The following GPC5 variants were observed in gnomAD, a reference collection of about 807,000 sequenced individuals.
The protein encoded by GPC5 is glypican-5.
GPC5 carries 47 observed loss-of-function variants against 53.9 expected under a neutral mutation model. That is an observed-to-expected ratio of 0.87 (90% confidence interval 0.69 to 1.11). GPC5 has a LOEUF of 1.11. Among genes scored for constraint, GPC5 ranks in the 50% most tolerant of loss-of-function variants. The pLI is 0.00. For missense variants in GPC5, 748 were observed against 713.1 expected, an observed-to-expected ratio of 1.05 and a Z score of -0.56; for synonymous variants, 286 against 263.3, an observed-to-expected ratio of 1.09 and a Z score of -0.84.
chr13:92,693,975 G>T (rs929149690), intron 7 of GPC5, among the ~76,000 whole-genome samples: 4 of 152,176 alleles, frequency 2.6e-5, no homozygotes, highest in African/African-American at 7.2e-5. Flanking sequence ...GCAGACTCAG[G>T]ACTTGGTGCC....
At chr13:92,410,213 A>C (rs1387024721) in intron 7 of GPC5, among the ~76,000 whole-genome samples, 1 of 152,170 alleles carries the variant, frequency 6.6e-6, no homozygotes, top group Non-Finnish European at 1.5e-5. Flanking sequence ...GTTGACCTGA[A>C]TATACTAATT....
chr13:92,591,807 C>A (rs535536746), intron 7 of GPC5, among the ~76,000 whole-genome samples: 18 of 152,254 alleles, frequency 1.2e-4, no homozygotes, highest in Admixed American at 2.6e-4. Context: ...TCTATGAGAT[C>A]AACTTTTTCA....
At chr13:91,895,232 T>C (rs535609555) in intron 5 of GPC5, among the ~76,000 whole-genome samples, 123 of 152,266 alleles carry the variant, frequency 8.1e-4, no homozygotes, top group African/African-American at 2.7e-3. Flanking sequence ...ATCCCACTTC[T>C]GGACACCATT....
At chr13:91,635,452 G>A (rs2034262931) in intron 2 of GPC5, among the ~76,000 whole-genome samples, 1 of 151,900 alleles carries the variant, frequency 6.6e-6, no homozygotes, top group Admixed American at 6.6e-5. Context: ...GAATGTGCTG[G>A]TTCATTTTAT....
intron 7 of GPC5, among the ~76,000 whole-genome samples, chr13:92,510,520 G>A (rs1001718596): frequency 1.3e-5 from 2 of 152,130 alleles, no homozygotes; most frequent in African/African-American, 2.4e-5. Flanking sequence ...CTTTAGAACA[G>A]TATTATTCAT....
At chr13:91,760,110 T>C (rs2037378739) in intron 5 of GPC5, among the ~76,000 whole-genome samples, 1 of 152,092 alleles carries the variant, frequency 6.6e-6, no homozygotes, top group Non-Finnish European at 1.5e-5. Context: ...TTTTATGTTT[T>C]ATAATTCTCA....
intron 7 of GPC5, among the ~76,000 whole-genome samples, chr13:92,791,641 T>C (rs1290826911): frequency 6.6e-6 from 1 of 152,084 alleles, no homozygotes; most frequent in Admixed American, 6.6e-5. Context: ...AAAAAAATGT[T>C]AGTCTAATTT....
chr13:92,760,519 T>C (rs368800776), intron 7 of GPC5, among the ~76,000 whole-genome samples: 1 of 152,214 alleles, frequency 6.6e-6, no homozygotes, highest in South Asian at 2.1e-4. Flanking sequence ...TGTTGTAGTG[T>C]CTCCACCTTC....
chr13:92,378,028 A>G (rs1327523798), intron 7 of GPC5, among the ~76,000 whole-genome samples: 35 of 152,034 alleles, frequency 2.3e-4, no homozygotes, highest in Admixed American at 2.2e-3. Context: ...TCTCTTTACC[A>G]TATCTTTTTC....
intron 7 of GPC5, among the ~76,000 whole-genome samples, chr13:92,245,076 TA>T (rs2042640743): frequency 1.3e-5 from 2 of 151,904 alleles, no homozygotes; most frequent in Non-Finnish European, 2.9e-5. Flanking sequence ...TCCTTCTGGT[TA>T]AATGTTCTCA....
intron 7 of GPC5, among the ~76,000 whole-genome samples, chr13:92,650,094 G>A (rs1383282501): frequency 6.6e-6 from 1 of 152,050 alleles, no homozygotes; most frequent in Admixed American, 6.6e-5. Flanking sequence ...ATGTAGGTTA[G>A]TATCATAGAT....
chr13:91,480,560 G>C (rs1883245165), intron 2 of GPC5, among the ~76,000 whole-genome samples: 1 of 152,194 alleles, frequency 6.6e-6, no homozygotes, highest in Non-Finnish European at 1.5e-5. Flanking sequence ...ATTCACTACA[G>C]CCTCAGTAAA....
intron 7 of GPC5, among the ~76,000 whole-genome samples, chr13:92,246,309 A>G (rs1198902990): frequency 6.6e-6 from 1 of 152,108 alleles, no homozygotes; most frequent in African/African-American, 2.4e-5. Flanking sequence ...AATAATAAGG[A>G]TATATTCAGT....
intron 7 of GPC5, among the ~76,000 whole-genome samples, chr13:92,634,956 C>G (rs1885366924): frequency 6.6e-6 from 1 of 151,460 alleles, no homozygotes; most frequent in African/African-American, 2.4e-5. Flanking sequence ...TTTATATTTT[C>G]TATTATTTTT....
intron 7 of GPC5, among the ~76,000 whole-genome samples, chr13:92,757,286 A>G (rs934521904): frequency 7.2e-5 from 11 of 152,232 alleles, no homozygotes; most frequent in African/African-American, 2.7e-4. Flanking sequence ...ATATGTAGAA[A>G]GCTGAAACTG....
In GPC5 at chr13:91,514,268, T is replaced by C. The variant is rs374459808; in HGVS notation, c.325+65346T>C. Among the ~76,000 whole-genome samples, 40 of 152,302 alleles carry C rather than the reference T, an allele frequency of 2.6e-4. No individual in the cohort carries two copies. In the East Asian group the frequency reaches 5.6e-3, roughly 21 times the overall value. On this transcript the variant is annotated intron_variant, in intron 2 of 7. Coordinates refer to ENST00000377067, the MANE Select transcript of GPC5 (RefSeq NM_004466.6). ...TACCATTTTATATTCCCACCAGCAATGTGTAAAAGATTCAGTTCATGAGTA... is the reference window on the plus strand; with the variant it reads ...TACCATTTTATATTCCCACCAGCAACGTGTAAAAGATTCAGTTCATGAGTA...
chr13:92,243,812 A>T (rs1594031320), intron 7 of GPC5, among the ~76,000 whole-genome samples: 1 of 152,156 alleles, frequency 6.6e-6, no homozygotes, highest in Admixed American at 6.5e-5. Flanking sequence ...CTGAGAGTAG[A>T]TCTGTGCATG....
At chr13:92,316,134 G>T (rs957658707) in intron 7 of GPC5, among the ~76,000 whole-genome samples, 1 of 151,976 alleles carries the variant, frequency 6.6e-6, no homozygotes, top group Non-Finnish European at 1.5e-5. Flanking sequence ...AGTGTATAAT[G>T]CTGAGAATGC....
intron 6 of GPC5, among the ~76,000 whole-genome samples, chr13:92,086,926 T>A (rs1023628404): frequency 5.9e-5 from 9 of 152,204 alleles, no homozygotes; most frequent in African/African-American, 9.6e-5. Context: ...CCCAAAGTGC[T>A]GGGATTACAA....
Sources: gnomAD v4.1 joint callset for allele counts (sites outside exome capture counted in the v4.1 genomes callset) on GRCh38, gnomAD v4.1.1 for gene constraint, MANE v1.5 for transcripts, NCBI Gene and HGNC (gene_info 2026-07-23, HGNC 2026-07-21) for gene names.